The following PGBD2 variants were observed in gnomAD, a reference collection of about 807,000 sequenced individuals.
PGBD2 encodes the protein piggyBac transposable element-derived protein 2.
PGBD2 carries 6 observed loss-of-function variants against 8.1 expected under a neutral mutation model. That is an observed-to-expected ratio of 0.74 (90% confidence interval 0.40 to 1.46). PGBD2 has a LOEUF of 1.46. Ranked by LOEUF, PGBD2 falls within the 40% of genes most tolerant of loss-of-function variation. The pLI is 0.02. For missense variants in PGBD2, 802 were observed against 739.0 expected, an observed-to-expected ratio of 1.09 and a Z score of -0.99; for synonymous variants, 318 against 272.2, an observed-to-expected ratio of 1.17 and a Z score of -1.66.
chr1:248,918,551 A>G lies in PGBD2; in HGVS notation c.*188A>G. ...TGTGTTATGCCTACATGTGATATAAATTAATATTTATATTCATTTATATTT... is the reference window on the plus strand; with the variant it reads ...TGTGTTATGCCTACATGTGATATAAGTTAATATTTATATTCATTTATATTT... On this transcript the variant is annotated 3_prime_UTR_variant, in exon 3 of 3. Transcript: ENST00000329291. The G allele has an allele frequency of 8.4e-6, 3 of 356,472 alleles. No homozygotes were observed. Among genetic ancestry groups the G allele is most frequent in the Non-Finnish European group, 1.5e-5 (3 of 195,112 alleles). 22.1% of individuals were successfully genotyped at this position (356,472 alleles called of 1,614,324 possible). A position where few individuals can be genotyped will look rare whatever the true frequency, so the allele number is the denominator to read the frequency against.
At chr1:248,914,558 A>C in intron 2 of PGBD2, 1 of 1,289,252 alleles carries the variant, frequency 7.8e-7, no homozygotes, top group Non-Finnish European at 1.0e-6. Flanking sequence ...GTCCATGGGC[A>C]GGTCTGTACT....
chr1:248,878,154 AC>A, the PGBD2 span, among the ~76,000 whole-genome samples: 1 of 150,930 alleles, frequency 6.6e-6, no homozygotes, highest in African/African-American at 2.4e-5. Flanking sequence ...CCTTTGAGTT[AC>A]ACTATTTGTA....
In PGBD2 at chr1:248,918,085, CT is replaced by C; in HGVS notation, c.1502del (p.Leu501ArgfsTer49). The C allele has an allele frequency of 6.2e-7, 1 of 1,614,218 alleles. No individual in the cohort carries two copies. The highest frequency in any genetic ancestry group is 8.5e-7 in the Non-Finnish European group (1 of 1,180,048). On this transcript the variant is annotated frameshift_variant, in exon 3 of 3. Coordinates refer to ENST00000329291, the MANE Select transcript of PGBD2 (RefSeq NM_170725.3). LOFTEE classifies it low-confidence loss of function (END_TRUNC). ...TGCTGCCCTCAACAATGCATGGCAG[CT>C]GCATAGAATCTGCTGCCAAGATGCC... ...IDAALNNAWQ[L>X]HRICCQDAQV...
Position 248,916,965 on chromosome 1 carries a change from A to C in PGBD2, c.381A>C (p.Ser127=). The C allele has an allele frequency of 6.2e-7, 1 of 1,613,310 alleles. No homozygotes were observed. Among genetic ancestry groups the C allele is most frequent in the Non-Finnish European group, 8.5e-7 (1 of 1,179,778 alleles). ...CAGACTTTGGCAGTTGGACTGCATC[A>C]GATCCTCATATTGAGGATCTGAAAA... The part of the protein sequence containing the change: ...IRPDFGSWTA[S]DPHIEDLKSQ... Residue 127 remains serine, a synonymous_variant, in exon 3 of 3, where the codon TCA becomes TCC. Coordinates refer to ENST00000329291, the MANE Select transcript of PGBD2 (RefSeq NM_170725.3).
chr1:248,917,587 G>C lies in PGBD2; in HGVS notation c.1003G>C (p.Val335Leu). Reference protein sequence around the residue: ...DLGGSMVIKFVDALQERGFLP... With the variant: ...DLGGSMVIKFLDALQERGFLP... Reference sequence around the variant, plus strand: ...AGGAGGCAGTATGGTAATAAAATTTGTGGATGCGCTTCAGGAGCGTGGTTT... The same window carrying C: ...AGGAGGCAGTATGGTAATAAAATTTCTGGATGCGCTTCAGGAGCGTGGTTT... Residue 335 changes from valine (V) to leucine (L), a missense_variant, in exon 3 of 3, where the codon GTG becomes CTG. Coordinates refer to ENST00000329291, the MANE Select transcript of PGBD2 (RefSeq NM_170725.3). 1 of 1,614,208 alleles carries C rather than the reference G, an allele frequency of 6.2e-7. No homozygotes were observed. The highest frequency in any genetic ancestry group is 8.5e-7 in the Non-Finnish European group (1 of 1,180,048).
the PGBD2 span, among the ~76,000 whole-genome samples, chr1:248,900,410 T>G: frequency 6.6e-6 from 1 of 152,218 alleles, no homozygotes; most frequent in African/African-American, 2.4e-5. Flanking sequence ...CAAGTTGTCT[T>G]CATCCCCAGG....
chr1:248,873,857 C>T, the PGBD2 span, among the ~76,000 whole-genome samples: 1 of 152,200 alleles, frequency 6.6e-6, no homozygotes, highest in African/African-American at 2.4e-5. Flanking sequence ...TTCCGAGTGT[C>T]AGGATGGCCG....
chr1:248,879,499 A>G, the PGBD2 span, among the ~76,000 whole-genome samples: 2 of 152,220 alleles, frequency 1.3e-5, no homozygotes, highest in South Asian at 2.1e-4. Context: ...GGCTCAAACT[A>G]TTCTCCTGCC....
chr1:248,918,491 C>A lies in PGBD2; in HGVS notation c.*128C>A. On this transcript the variant is annotated 3_prime_UTR_variant, in exon 3 of 3. Transcript: ENST00000329291. ...CTAATGACTTGATTTTCTATTTTCT[C>A]CCTACCCACAATACAGTTATCTTTT... The A allele has an allele frequency of 1.1e-6, 1 of 877,384 alleles. No individual in the cohort carries two copies. Among genetic ancestry groups the A allele is most frequent in the Non-Finnish European group, 1.7e-6 (1 of 591,716 alleles). The allele number at this position is 877,384 out of a possible 1,614,324, so 54.3% of individuals were successfully genotyped here. A position where few individuals can be genotyped will look rare whatever the true frequency, so the allele number is the denominator to read the frequency against.
Position 248,911,553 on chromosome 1 carries a change from A to G in PGBD2, c.-47-2263A>G, listed in dbSNP as rs543919131. ...GACACGGCAACCATCCGATTTCTCA[A>G]TCTTTTCCCCACCTTTCCCCCTTTT... On this transcript the variant is annotated intron_variant, in intron 1 of 2. Transcript: ENST00000329291. Among the ~76,000 whole-genome samples, 183 of 144,706 alleles carry G rather than the reference A, an allele frequency of 1.3e-3. 3 individuals carry two copies. Among genetic ancestry groups the G allele is most frequent in the African/African-American group, 4.8e-3 (168 of 34,706 alleles). 94.9% of individuals were successfully genotyped at this position (144,706 alleles called of 152,430 possible).
intron 1 of PGBD2, among the ~76,000 whole-genome samples, chr1:248,910,185 A>C (rs1661816143): frequency 6.6e-6 from 1 of 152,218 alleles, no homozygotes; most frequent in African/African-American, 2.4e-5. Flanking sequence ...TCCTTAATCA[A>C]ACATAATTTC....
the PGBD2 span, among the ~76,000 whole-genome samples, chr1:248,882,422 G>A: frequency 3.3e-5 from 5 of 152,178 alleles, no homozygotes; most frequent in Non-Finnish European, 7.3e-5. Flanking sequence ...CAGAAACACA[G>A]TATTTCCATT....
At position 248,917,940 on chromosome 1, in the gene PGBD2, G is replaced by A; in HGVS notation, c.1356G>A (p.Leu452=). ...KTRTQVHQPS[L]VKLYQEKVGG... is the part of the protein sequence containing the mutation. ...GGACTCAGGTCCACCAGCCATCACT[G>A]GTGAAGCTGTATCAGGAGAAGGTGG... The change falls in exon 3 of 3, where the codon CTG becomes CTA. Residue 452 remains leucine (L), a synonymous_variant. Coordinates refer to ENST00000329291, the MANE Select transcript of PGBD2 (RefSeq NM_170725.3). The A allele has an allele frequency of 6.2e-7, 1 of 1,614,208 alleles. No individual in the cohort carries two copies. The highest frequency in any genetic ancestry group is 8.5e-7 in the Non-Finnish European group (1 of 1,180,028).
At position 248,918,943 on chromosome 1, in the gene PGBD2, T is replaced by C. The variant is rs956635241; in HGVS notation, c.*580T>C. The C allele has an allele frequency of 6.0e-6, 1 of 167,054 alleles. No individual in the cohort carries two copies. The highest frequency in any genetic ancestry group is 2.4e-5 in the African/African-American group (1 of 41,438). 10.3% of individuals were successfully genotyped at this position (167,054 alleles called of 1,614,324 possible). A position where few individuals can be genotyped will look rare whatever the true frequency, so the allele number is the denominator to read the frequency against. ...TGAGATTCATTTTTGTAAAAAAAAT[T>C]ATTTTTTTAATTTTGTGGGTACATA... On this transcript the variant is annotated 3_prime_UTR_variant, in exon 3 of 3. Coordinates refer to ENST00000329291, the MANE Select transcript of PGBD2 (RefSeq NM_170725.3).
At chr1:248,899,826 CT>C in the PGBD2 span, among the ~76,000 whole-genome samples, 1 of 146,986 alleles carries the variant, frequency 6.8e-6, no homozygotes, top group Non-Finnish European at 1.5e-5. Context: ...AATAGATAGA[CT>C]ACTAGCTACA....
chr1:248,892,070 G>A, the PGBD2 span, among the ~76,000 whole-genome samples: 1 of 152,236 alleles, frequency 6.6e-6, no homozygotes, highest in Non-Finnish European at 1.5e-5. Flanking sequence ...GGACAGGCCT[G>A]CCTGGGAAGC....
intron 1 of PGBD2, among the ~76,000 whole-genome samples, chr1:248,911,289 G>A (rs560481535): frequency 1.5e-4 from 23 of 151,204 alleles, no homozygotes; most frequent in East Asian, 3.9e-4. Flanking sequence ...TGTGTCCCTG[G>A]GTACTTGAGA....
chr1:248,882,717 T>C, the PGBD2 span, among the ~76,000 whole-genome samples: 89 of 152,316 alleles, frequency 5.8e-4, 1 homozygote, highest in Non-Finnish European at 1.1e-3. Flanking sequence ...TTTCCTGGGA[T>C]AGGAATCTTA....
the PGBD2 span, among the ~76,000 whole-genome samples, chr1:248,925,010 G>C: frequency 6.6e-6 from 1 of 151,720 alleles, no homozygotes; most frequent in Non-Finnish European, 1.5e-5. Flanking sequence ...CTAACGGAGG[G>C]CTTTTTTTTT....
Sources: gnomAD v4.1 joint callset for allele counts (sites outside exome capture counted in the v4.1 genomes callset) on GRCh38, gnomAD v4.1.1 for gene constraint, MANE v1.5 for transcripts, NCBI Gene and HGNC (gene_info 2026-07-23, HGNC 2026-07-21) for gene names.